The following PREX2 variants were observed in gnomAD, a reference collection of about 807,000 sequenced individuals.
PREX2 encodes phosphatidylinositol-3,4,5-trisphosphate dependent Rac exchange factor 2.
In PREX2, 107 loss-of-function variants were observed where a neutral mutation model predicts 203.2. That is an observed-to-expected ratio of 0.53 (90% CI 0.45 to 0.62). The LOEUF is 0.62. Among genes scored for constraint, PREX2 ranks in the 20% least tolerant of loss-of-function variants. PREX2 has a pLI of 0.00. For missense variants in PREX2, 1,777 were observed against 1,955.9 expected, an observed-to-expected ratio of 0.91 and a Z score of 1.72; for synonymous variants, 672 against 663.6, an observed-to-expected ratio of 1.01 and a Z score of -0.19.
intron 37 of PREX2, among the ~76,000 whole-genome samples, chr8:68,216,968 C>CAAAAAAAAAAA (rs59972334): frequency 1.8e-5 from 2 of 112,888 alleles, no homozygotes; most frequent in African/African-American, 2.8e-5. Context: ...CTCAAAAAAA[C>CAAAAAAAAAAA]AAAAAAAAAA....
intron 35 of PREX2, among the ~76,000 whole-genome samples, chr8:68,162,111 T>C (rs1015827401): frequency 6.6e-6 from 1 of 152,162 alleles, no homozygotes; most frequent in African/African-American, 2.4e-5. Flanking sequence ...ACTTGGTCCC[T>C]CCCACAACAT....
chr8:68,139,137 T>C (rs1811170080), intron 33 of PREX2, among the ~76,000 whole-genome samples: 1 of 152,048 alleles, frequency 6.6e-6, no homozygotes. Context: ...AGATAAATAA[T>C]AGGCAAAATA....
In PREX2 at chr8:68,192,370, C is replaced by T. The variant is rs1255965787; in HGVS notation, c.4449C>T (p.Tyr1483=). ...CTCTCAACGCTTTGGATGAACTTTA[C>T]CGACTGGTAGCCTCGTTTATCAGAT... ...MRPLNALDEL[Y]RLVASFIRSK... The change falls in exon 37 of 40, where the codon TAC becomes TAT. Residue 1483 remains tyrosine, a synonymous_variant. Transcript: ENST00000288368. 2 of 1,610,460 alleles carry T rather than the reference C, an allele frequency of 1.2e-6. No homozygotes were observed. Among genetic ancestry groups the T allele is most frequent in the South Asian group, 1.1e-5 (1 of 90,622 alleles).
chr8:67,986,961 G>C (rs4737874), intron 1 of PREX2, among the ~76,000 whole-genome samples: 60,160 of 151,642 alleles, frequency 0.4, 12,232 homozygotes, highest in East Asian at 0.61. Context: ...GTCAAGAGAT[G>C]GAGACCATGG....
intron 37 of PREX2, among the ~76,000 whole-genome samples, chr8:68,213,573 G>A (rs1466008858): frequency 6.6e-6 from 1 of 152,196 alleles, no homozygotes; most frequent in African/African-American, 2.4e-5. Flanking sequence ...CCAAATCAAA[G>A]TGTCCTTCAA....
chr8:68,056,156 C>T (rs1375211945), intron 10 of PREX2, among the ~76,000 whole-genome samples, 182 bp downstream of exon 10: 1 of 152,080 alleles, frequency 6.6e-6, no homozygotes, highest in Admixed American at 6.5e-5. Context: ...AGGATCATGA[C>T]CAGGAAACTT....
intron 25 of PREX2, among the ~76,000 whole-genome samples, chr8:68,115,216 C>T (rs1015738960): frequency 5.3e-5 from 8 of 151,752 alleles, no homozygotes; most frequent in African/African-American, 1.9e-4. Context: ...TTAGTAGAGA[C>T]GGGGTTTCTC....
At chr8:68,139,175 T>C (rs763054455) in intron 33 of PREX2, among the ~76,000 whole-genome samples, 62 of 152,134 alleles carry the variant, frequency 4.1e-4, no homozygotes, top group Non-Finnish European at 4.1e-4. Context: ...AAGGCAATTA[T>C]GTGAAAGATA....
intron 35 of PREX2, among the ~76,000 whole-genome samples, chr8:68,179,393 G>GT (rs1362486755): frequency 6.6e-6 from 1 of 151,956 alleles, no homozygotes; most frequent in Non-Finnish European, 1.5e-5. Flanking sequence ...ATCTGTGTGT[G>GT]TTCTTTAAAC....
At chr8:68,201,900 A>ATTTTTTTTTT (rs869153263) in intron 37 of PREX2, among the ~76,000 whole-genome samples, 1 of 98,260 alleles carries the variant, frequency 1.0e-5, no homozygotes, top group African/African-American at 4.4e-5. Flanking sequence ...GGTAACACCT[A>ATTTTTTTTTT]TTTTTTTTTT....
intron 9 of PREX2, among the ~76,000 whole-genome samples, chr8:68,053,573 T>G (rs1244860106): frequency 1.3e-5 from 2 of 152,212 alleles, no homozygotes; most frequent in Non-Finnish European, 2.9e-5. Flanking sequence ...TCAATTTTCT[T>G]TGCATTTTAT....
intron 4 of PREX2, among the ~76,000 whole-genome samples, chr8:68,022,848 CT>C (rs1463975356): frequency 6.6e-6 from 1 of 152,146 alleles, no homozygotes; most frequent in Non-Finnish European, 1.5e-5. Context: ...TATAGATTGC[CT>C]TTTCTGGATA....
chr8:68,115,994 C>G lies in PREX2; in HGVS notation c.3326+62C>G, dbSNP rs569414419. On this transcript the variant is annotated intron_variant, in intron 26 of 39. Transcript: ENST00000288368. ...AAGTCAAATATGATGCTGGATTTTC[C>G]ACAAAGATCTTGAAAAAAGTTTTTG... 3.5e-6 allele frequency: 5 copies of G among 1,421,012 alleles called. No individual in the cohort carries two copies. In the South Asian group the frequency reaches 7.1e-5, roughly 20 times the overall value. 88.0% of individuals were successfully genotyped at this position (1,421,012 alleles called of 1,614,324 possible).
intron 19 of PREX2, among the ~76,000 whole-genome samples, chr8:68,088,634 T>G (rs919171312): frequency 2.0e-5 from 3 of 151,166 alleles, no homozygotes; most frequent in African/African-American, 7.3e-5. Flanking sequence ...ATTACTTTCA[T>G]TATTGTATGT....
intron 15 of PREX2, among the ~76,000 whole-genome samples, chr8:68,078,814 AT>A (rs1809428701): frequency 6.6e-6 from 1 of 150,644 alleles, no homozygotes; most frequent in Admixed American, 6.6e-5. Context: ...CAACACAGTA[AT>A]TTTATCTAAG....
Position 68,090,183 on chromosome 8 carries a change from A to G in PREX2, c.2114-396A>G, listed in dbSNP as rs1479245845. 2.0e-5 allele frequency among the ~76,000 whole-genome samples: 3 copies of G among 152,200 alleles called. No individual in the cohort carries two copies. The South Asian group carries it at 6.2e-4, about 32-fold the overall frequency. On this transcript the variant is annotated intron_variant, in intron 19 of 39. Coordinates refer to ENST00000288368, the MANE Select transcript of PREX2 (RefSeq NM_024870.4). ...GTCATTTTAAAAAACAGAAGTGAATACTATTTGAATATTTAGAAATGTTGT... is the reference window on the plus strand; with the variant it reads ...GTCATTTTAAAAAACAGAAGTGAATGCTATTTGAATATTTAGAAATGTTGT...
chr8:68,177,213 G>A (rs756834828), intron 35 of PREX2: 4 of 152,224 alleles, frequency 2.6e-5, no homozygotes, highest in Admixed American at 6.6e-5. Context: ...GATTCTGTAG[G>A]CAGTTAATAA....
chr8:68,097,884 C>T (rs547729741), intron 22 of PREX2, among the ~76,000 whole-genome samples: 34 of 152,212 alleles, frequency 2.2e-4, no homozygotes, highest in African/African-American at 7.5e-4. Flanking sequence ...TATTCAAAGT[C>T]GTGAAATACA....
intron 1 of PREX2, among the ~76,000 whole-genome samples, chr8:67,956,463 CA>C (rs774509284): frequency 1.3e-5 from 2 of 152,170 alleles, no homozygotes; most frequent in Non-Finnish European, 2.9e-5. Flanking sequence ...TTGTGTTTTG[CA>C]AATGAAGTCT....
Sources: gnomAD v4.1 joint callset for allele counts (sites outside exome capture counted in the v4.1 genomes callset) on GRCh38, gnomAD v4.1.1 for gene constraint, MANE v1.5 for transcripts, NCBI Gene and HGNC (gene_info 2026-07-23, HGNC 2026-07-21) for gene names.